ADORA2A: variants seen among roughly 807,000 people sequenced by gnomAD.
ADORA2A encodes the protein adenosine receptor A2a.
A neutral mutation model predicts 18.4 loss-of-function variants in ADORA2A; 11 were observed. The ratio of observed to expected loss-of-function variants is 0.60; its 90% CI spans 0.38 to 0.99. The LOEUF (loss-of-function observed/expected upper bound fraction) is 0.99, where lower values mean the gene tolerates loss of function less well. Among genes scored for constraint, ADORA2A ranks in the 50% least tolerant of loss-of-function variants. The pLI is 0.01. For missense variants in ADORA2A, 449 were observed against 556.1 expected, an observed-to-expected ratio of 0.81 and a Z score of 1.94; for synonymous variants, 218 against 237.3, an observed-to-expected ratio of 0.92 and a Z score of 0.75.
At position 24,441,435 on chromosome 22, in the gene ADORA2A, A is replaced by G. The variant is rs772046117; in HGVS notation, c.1185A>G (p.Pro395=). 1 of 1,526,266 alleles carries G rather than the reference A, an allele frequency of 6.6e-7. No individual in the cohort carries two copies. The highest frequency in any genetic ancestry group is 2.3e-5 in the East Asian group (1 of 44,190). 94.5% of individuals were successfully genotyped at this position (1,526,266 alleles called of 1,614,324 possible). A position where few individuals can be genotyped will look rare whatever the true frequency, so the allele number is the denominator to read the frequency against. Residue 395 remains proline (P), a synonymous_variant, in exon 3 of 3, where the codon CCA becomes CCG. Transcript: ENST00000337539. ...LLSHELKGVC[P]EPPGLDDPLA... ...GCCATGAGCTCAAGGGAGTGTGCCC[A>G]GAGCCCCCTGGCCTAGATGACCCCC... is the stretch of plus-strand genomic sequence containing the variant.
chr22:24,425,337 A>C (rs1038598270), upstream of ADORA2A, among the ~76,000 whole-genome samples: 2,896 of 81,806 alleles, frequency 0.035, no homozygotes, highest in Middle Eastern at 0.057. Flanking sequence ...TGTGGGCAGC[A>C]CCCCCCCCCC....
intron 2 of ADORA2A, among the ~76,000 whole-genome samples, chr22:24,434,392 A>C (rs1022329563): frequency 3.3e-5 from 5 of 152,180 alleles, no homozygotes; most frequent in African/African-American, 1.2e-4. Context: ...TGGCTGTTGG[A>C]GGGGATTTTT....
rs201907476 is a variant in ADORA2A at position 24,441,317 on chromosome 22, G to A, written c.1067G>A (p.Arg356Gln). 85 of 1,606,428 alleles carry A rather than the reference G, an allele frequency of 5.3e-5. No individual in the cohort carries two copies. Among genetic ancestry groups the A allele is most frequent in the African/African-American group, 9.4e-5 (7 of 74,826 alleles). ...WANGSAPHPERRPNGYALGLV... is the reference protein window; with the variant it reads ...WANGSAPHPEQRPNGYALGLV... ...AACGGCAGTGCTCCCCACCCTGAGC[G>A]GAGGCCCAATGGCTATGCCCTGGGG... Residue 356 changes from arginine (R) to glutamine (Q), a missense_variant, in exon 3 of 3, where the codon CGG (arginine) becomes CAG (glutamine). Arg to Gln is a conservative substitution (Grantham distance 43). Transcript: ENST00000337539.
upstream of ADORA2A, among the ~76,000 whole-genome samples, chr22:24,425,118 C>T (rs1489358900): frequency 2.0e-5 from 3 of 152,110 alleles, no homozygotes; most frequent in Non-Finnish European, 4.4e-5. Flanking sequence ...CCTCTGCTGC[C>T]GGCTCCCCCT....
intron 2 of ADORA2A, among the ~76,000 whole-genome samples, chr22:24,434,654 G>A (rs1428204503): frequency 6.6e-6 from 1 of 152,238 alleles, no homozygotes; most frequent in African/African-American, 2.4e-5. Flanking sequence ...TGCCTCTTGA[G>A]AGTCAGGGAG....
chr22:24,435,047 G>A (rs2043138997), intron 2 of ADORA2A, among the ~76,000 whole-genome samples: 1 of 152,354 alleles, frequency 6.6e-6, no homozygotes, highest in Non-Finnish European at 1.5e-5. Context: ...GGGAGCAGGA[G>A]CTGCACTGGG....
At chr22:24,436,601 G>A (rs906043060) in intron 2 of ADORA2A, among the ~76,000 whole-genome samples, 4 of 152,182 alleles carry the variant, frequency 2.6e-5, no homozygotes, top group African/African-American at 9.7e-5. Flanking sequence ...CCAGTTCCCA[G>A]GGGATTTTTG....
At chr22:24,437,181 GA>G (rs2043201450) in intron 2 of ADORA2A, among the ~76,000 whole-genome samples, 1 of 152,216 alleles carries the variant, frequency 6.6e-6, no homozygotes, top group African/African-American at 2.4e-5. Context: ...GAGATCCCCA[GA>G]AAGGGGCAGC....
intron 1 of ADORA2A, chr22:24,430,126 T>C (rs1164386821): frequency 6.6e-6 from 1 of 152,364 alleles, no homozygotes; most frequent in Non-Finnish European, 1.5e-5. Flanking sequence ...CTGATCTGCT[T>C]TGCTCAGGGC....
chr22:24,430,735 G>A (rs547837483), intron 1 of ADORA2A, among the ~76,000 whole-genome samples: 17 of 152,384 alleles, frequency 1.1e-4, no homozygotes, highest in East Asian at 3.9e-4. Context: ...AATCTGGAGC[G>A]TGGTCTGGGG....
chr22:24,440,864 G>A lies in ADORA2A; in HGVS notation c.614G>A (p.Arg205Gln), dbSNP rs773766284. 9.3e-6 allele frequency: 15 copies of A among 1,614,054 alleles called. No individual in the cohort carries two copies. The highest frequency in any genetic ancestry group is 8.0e-5 in the African/African-American group (6 of 74,914). Reference protein sequence around the residue: ...GVYLRIFLAARRQLKQMESQP... With the variant: ...GVYLRIFLAAQRQLKQMESQP... ...TATTTGCGGATCTTCCTGGCGGCGC[G>A]ACGACAGCTGAAGCAGATGGAGAGC... The change falls in exon 3 of 3, where the codon CGA becomes CAA. Residue 205 changes from arginine to glutamine, a missense_variant. Transcript: ENST00000337539.
chr22:24,433,539 G>C lies in ADORA2A; in HGVS notation c.135G>C (p.Val45=), dbSNP rs755639380. 14 of 1,614,132 alleles carry C rather than the reference G, an allele frequency of 8.7e-6. No homozygotes were observed. Among genetic ancestry groups the C allele is most frequent in the Non-Finnish European group, 1.1e-5 (13 of 1,180,056 alleles). The stretch of plus-strand genomic sequence containing the variant: ...TGCAGAACGTCACCAACTACTTTGT[G>C]GTGTCACTGGCGGCGGCCGACATCG... ...SNLQNVTNYF[V]VSLAAADIAV... Residue 45 remains valine, a synonymous_variant, in exon 2 of 3, where the codon GTG becomes GTC. Transcript: ENST00000337539.
Position 24,433,474 on chromosome 22 carries a change from A to C in ADORA2A, c.70A>C (p.Asn24His). ...LAIAVLAILGNVLVCWAVWLN... is the reference protein window; with the variant it reads ...LAIAVLAILGHVLVCWAVWLN... ...CATTGCTGTGCTGGCCATCCTGGGC[A>C]ATGTGCTGGTGTGCTGGGCCGTGTG... Residue 24 changes from asparagine (N) to histidine (H), a missense_variant, in exon 2 of 3, where the codon AAT becomes CAT. Coordinates refer to ENST00000337539, the MANE Select transcript of ADORA2A (RefSeq NM_000675.6). 6.2e-7 allele frequency: 1 copy of C among 1,614,142 alleles called. No homozygotes were observed. The highest frequency in any genetic ancestry group is 8.5e-7 in the Non-Finnish European group (1 of 1,180,028).
upstream of ADORA2A, among the ~76,000 whole-genome samples, chr22:24,427,036 G>A (rs751408480): frequency 1.3e-5 from 2 of 152,174 alleles, no homozygotes; most frequent in East Asian, 1.9e-4. Context: ...GGCATCGGCC[G>A]TCACCTGGTG....
At chr22:24,432,061 G>C (rs564761040) in intron 1 of ADORA2A, 57 of 155,762 alleles carry the variant, frequency 3.7e-4, no homozygotes, top group Non-Finnish European at 7.0e-4. Context: ...TTTCTGCCAG[G>C]GACCAAACTC....
Position 24,433,734 on chromosome 22 carries a change from C to G in ADORA2A, c.330C>G (p.Leu110=). ...IDRYIAIRIP[L]RYNGLVTGTR... ...GCTACATTGCCATCCGCATCCCGCTCCGGTGAGCAGGGCCGGGGTTACATC... is the reference window on the plus strand; with the variant it reads ...GCTACATTGCCATCCGCATCCCGCTGCGGTGAGCAGGGCCGGGGTTACATC... Residue 110 remains leucine, a splice_region_variant and synonymous_variant, in exon 2 of 3, where the codon CTC becomes CTG. Transcript: ENST00000337539. 1.2e-6 allele frequency: 2 copies of G among 1,604,390 alleles called. No homozygotes were observed. The highest frequency in any genetic ancestry group is 1.3e-5 in the African/African-American group (1 of 75,058).
rs1228180914 is a variant in ADORA2A, at chr22:24,441,528, C to CT, written c.*42dup. ...TTGCCCCTTCCTAAGGGAAGGAGATCTTTATCTTTCTGGTTGGCTTGACCA... is the reference window on the plus strand; with the variant it reads ...TTGCCCCTTCCTAAGGGAAGGAGATCTTTTATCTTTCTGGTTGGCTTGACCA... On this transcript the variant is annotated 3_prime_UTR_variant, in exon 3 of 3. Transcript: ENST00000337539. 5 of 1,466,958 alleles carry CT rather than the reference C, an allele frequency of 3.4e-6. No homozygotes were observed. The highest frequency in any genetic ancestry group is 1.8e-4 in the Middle Eastern group (1 of 5,496). 90.9% of individuals were successfully genotyped at this position (1,466,958 alleles called of 1,614,324 possible).
In ADORA2A at chr22:24,440,656, G is replaced by T; in HGVS notation, c.406G>T (p.Gly136Cys). The T allele has an allele frequency of 1.2e-6, 2 of 1,609,894 alleles. No individual in the cohort carries two copies. Among genetic ancestry groups the T allele is most frequent in the Non-Finnish European group, 8.5e-7 (1 of 1,176,786 alleles). Residue 136 changes from glycine to cysteine, a missense_variant, in exon 3 of 3, where the codon GGC becomes TGC. Coordinates refer to ENST00000337539, the MANE Select transcript of ADORA2A (RefSeq NM_000675.6). Reference protein sequence around the residue: ...AICWVLSFAIGLTPMLGWNNC... With the variant: ...AICWVLSFAICLTPMLGWNNC... ...CTGCTGGGTGCTGTCGTTTGCCATC[G>T]GCCTGACTCCCATGCTAGGTTGGAA...
At chr22:24,431,890 CTGTT>C (rs2043045892) in intron 1 of ADORA2A, among the ~76,000 whole-genome samples, 2 of 152,166 alleles carry the variant, frequency 1.3e-5, no homozygotes, top group African/African-American at 4.8e-5. Context: ...CATTTTAAAT[CTGTT>C]TATTTCCTTC....
Sources: gnomAD v4.1 joint callset for allele counts (sites outside exome capture counted in the v4.1 genomes callset) on GRCh38, gnomAD v4.1.1 for gene constraint, MANE v1.5 for transcripts, NCBI Gene and HGNC (gene_info 2026-07-23, HGNC 2026-07-21) for gene names.